Variants in GPR141 observed in about 807,000 individuals in gnomAD.
GPR141 encodes the protein G protein-coupled receptor 141, also known as probable G protein-coupled receptor 141.
GPR141 carries 6 observed loss-of-function variants against 6.8 expected under a neutral mutation model. The ratio of observed to expected loss-of-function variants is 0.88; its 90% CI spans 0.48 to 1.74. The LOEUF (loss-of-function observed/expected upper bound fraction) is 1.74, where lower values mean the gene tolerates loss of function less well. Ranked by LOEUF, GPR141 falls within the 40% of genes most tolerant of loss-of-function variation. The pLI, the probability that GPR141 is intolerant of heterozygous loss-of-function variation, is 0.01. For missense variants in GPR141, 372 were observed against 372.9 expected (o/e 1.00, Z 0.02); for synonymous variants, 140 against 142.3 (o/e 0.98, Z 0.11).
At chr7:37,688,970 C>T (rs1214426227) in intron 2 of GPR141, among the ~76,000 whole-genome samples, 2 of 152,086 alleles carry the variant, frequency 1.3e-5, no homozygotes, top group African/African-American at 4.8e-5. Context: ...TAAATACATT[C>T]AGTTTGTTGT....
intron 2 of GPR141, chr7:37,709,815 T>C (rs1208773335): frequency 6.6e-6 from 1 of 152,048 alleles, no homozygotes; most frequent in African/African-American, 2.4e-5. Context: ...TACTCAAGGG[T>C]GAGGGAGGCT....
chr7:37,715,877 T>G (rs1197367354), intron 2 of GPR141, among the ~76,000 whole-genome samples: 1 of 152,218 alleles, frequency 6.6e-6, no homozygotes, highest in East Asian at 1.9e-4. Context: ...AATTTGCCTT[T>G]GACACCCTTC....
intron 2 of GPR141, among the ~76,000 whole-genome samples, chr7:37,700,172 C>G (rs796498415): frequency 1.3e-5 from 2 of 152,224 alleles, no homozygotes; most frequent in African/African-American, 4.8e-5. Context: ...TGTTCTGGGC[C>G]AAAAGAAGAT....
At chr7:37,693,710 CAAT>C (rs1206862584) in intron 2 of GPR141, among the ~76,000 whole-genome samples, 2 of 152,126 alleles carry the variant, frequency 1.3e-5, no homozygotes, top group Non-Finnish European at 2.9e-5. Flanking sequence ...AGCAGCACAA[CAAT>C]GACTCTACTC....
chr7:37,726,920 A>T (rs1245921187), intron 2 of GPR141, among the ~76,000 whole-genome samples: 1 of 152,226 alleles, frequency 6.6e-6, no homozygotes, highest in African/African-American at 2.4e-5. Context: ...GAGGTGAATT[A>T]TGGGAGAAAA....
At chr7:37,688,688 G>T (rs1318747888) in intron 2 of GPR141, among the ~76,000 whole-genome samples, 1 of 152,122 alleles carries the variant, frequency 6.6e-6, no homozygotes, top group Non-Finnish European at 1.5e-5. Context: ...AGCTAGGGAT[G>T]TGAAAAACAA....
chr7:37,704,660 A>G (rs963202434), intron 2 of GPR141, among the ~76,000 whole-genome samples: 1 of 152,146 alleles, frequency 6.6e-6, no homozygotes, highest in Non-Finnish European at 1.5e-5. Flanking sequence ...GTCGAGTCCA[A>G]TCTGACTTTA....
In GPR141 at chr7:37,742,925, AT is replaced by A. The variant is rs796876068; in HGVS notation, c.*1616del. Among the ~76,000 whole-genome samples, 60 of 152,324 alleles carry A rather than the reference AT, an allele frequency of 3.9e-4. 1 individual carries two copies. Among genetic ancestry groups the A allele is most frequent in the African/African-American group, 1.4e-3 (59 of 41,590 alleles). ...TCGGAATTACTTTTTGTAAAATTGT[AT>A]TAATAACTTGTGGCATGTGGCACGT... On this transcript the variant is annotated 3_prime_UTR_variant, in exon 3 of 3. Transcript: ENST00000334425.
intron 2 of GPR141, among the ~76,000 whole-genome samples, chr7:37,731,706 C>T (rs1583572880): frequency 6.6e-6 from 1 of 152,212 alleles, no homozygotes; most frequent in East Asian, 1.9e-4. Flanking sequence ...CCCGCCTCGG[C>T]CTCCCGAAGT....
At chr7:37,690,030 T>G (rs565085668) in intron 2 of GPR141, among the ~76,000 whole-genome samples, 3 of 152,288 alleles carry the variant, frequency 2.0e-5, no homozygotes, top group African/African-American at 7.2e-5. Context: ...GGCATTTATT[T>G]TTACAAACAT....
chr7:37,694,597 T>C lies in GPR141; in HGVS notation c.-15+9014T>C, dbSNP rs117244992. Among the ~76,000 whole-genome samples, 258 of 152,262 alleles carry C rather than the reference T, an allele frequency of 1.7e-3. 7 individuals are homozygous for C. In the East Asian group the frequency reaches 0.039, roughly 23 times the overall value. ...GAGGCTGGGTAGTTTATAAAGAAGA[T>C]TGGTTTATTTAGCTCATGGTTCTGC... On this transcript the variant is annotated intron_variant, in intron 2 of 2. Transcript: ENST00000334425.
At chr7:37,685,720 A>G (rs1022908250) in intron 2 of GPR141, 137 bp downstream of exon 2, 1 of 148,188 alleles carries the variant, frequency 6.7e-6, no homozygotes, top group Non-Finnish European at 1.5e-5. Context: ...GAGTACTGGG[A>G]TAACAAACAT....
intron 2 of GPR141, among the ~76,000 whole-genome samples, chr7:37,723,393 T>G (rs916547899): frequency 3.4e-5 from 5 of 148,484 alleles, no homozygotes; most frequent in African/African-American, 1.2e-4. Context: ...TAAAAAGAAA[T>G]AAAACCCTAG....
rs536558164 is a variant in GPR141 at position 37,741,571 on chromosome 7, T to G, written c.*260T>G. 2.0e-5 allele frequency among the ~76,000 whole-genome samples: 3 copies of G among 152,348 alleles called. No individual in the cohort carries two copies. In the South Asian group the frequency reaches 6.2e-4, roughly 32 times the overall value. On this transcript the variant is annotated 3_prime_UTR_variant, in exon 3 of 3. Transcript: ENST00000334425. ...ATTATTTTCCAGTACAGAATGTCTG[T>G]GTGGCCCATGAAAGCAACATAGGTT...
rs766731087 is a variant in GPR141, at chr7:37,740,760, A to G, written c.367A>G (p.Lys123Glu). The G allele has an allele frequency of 6.2e-6, 10 of 1,614,022 alleles. No individual in the cohort carries two copies. The highest frequency in any genetic ancestry group is 1.3e-5 in the African/African-American group (1 of 74,926). ...RYLIFFKCKD[K>E]VEFYRKLHAV... ...CCTCATCTTCTTCAAGTGCAAAGAC[A>G]AAGTGGAATTCTACAGAAAACTGCA... Residue 123 changes from lysine to glutamate, a missense_variant, in exon 3 of 3, where the codon AAA becomes GAA. By Grantham distance (56) the Lys-to-Glu change is moderately conservative. Coordinates refer to ENST00000334425, the MANE Select transcript of GPR141 (RefSeq NM_001381946.1).
At chr7:37,704,306 A>G (rs1457946381) in intron 2 of GPR141, among the ~76,000 whole-genome samples, 2 of 151,800 alleles carry the variant, frequency 1.3e-5, no homozygotes, top group Non-Finnish European at 2.9e-5. Context: ...TCATGCTGCT[A>G]TGAAGAAACA....
intron 2 of GPR141, among the ~76,000 whole-genome samples, chr7:37,693,755 C>A (rs974443941): frequency 2.0e-5 from 3 of 152,146 alleles, no homozygotes; most frequent in African/African-American, 7.2e-5. Context: ...GTAGTTCAGA[C>A]TCTAGGGGGC....
intron 2 of GPR141, among the ~76,000 whole-genome samples, chr7:37,730,259 T>C (rs916437385): frequency 6.6e-6 from 1 of 152,202 alleles, no homozygotes; most frequent in Non-Finnish European, 1.5e-5. Flanking sequence ...ACACATACCA[T>C]GTTCCAAATT....
chr7:37,692,101 C>T (rs1809803046), intron 2 of GPR141, among the ~76,000 whole-genome samples: 1 of 152,018 alleles, frequency 6.6e-6, no homozygotes, highest in Admixed American at 6.6e-5. Context: ...CACCCATTGA[C>T]CTGTTATCTA....
Sources: allele counts gnomAD v4.1 joint callset (sites outside exome capture counted in the v4.1 genomes callset), GRCh38; gene constraint gnomAD v4.1.1; transcripts MANE v1.5; gene names NCBI Gene and HGNC (gene_info 2026-07-23, HGNC 2026-07-21).